The following SUCLG2 variants were observed in gnomAD, a reference collection of about 807,000 sequenced individuals.
The protein encoded by SUCLG2 is succinate--CoA ligase [GDP-forming] subunit beta, mitochondrial.
A neutral mutation model predicts 47.9 loss-of-function variants in SUCLG2; 42 were observed. That is an observed-to-expected ratio of 0.88 (90% confidence interval 0.69 to 1.14). The LOEUF (loss-of-function observed/expected upper bound fraction) is 1.14, where lower values mean the gene tolerates loss of function less well. Among genes scored for constraint, SUCLG2 ranks in the 50% most tolerant of loss-of-function variants. The pLI, the probability that SUCLG2 is intolerant of heterozygous loss-of-function variation, is 0.00. For synonymous variants in SUCLG2, 195 were observed against 197.3 expected (o/e 0.99, Z 0.10); for missense variants, 571 against 525.9 (o/e 1.09, Z -0.84).
intron 2 of SUCLG2, among the ~76,000 whole-genome samples, chr3:67,594,576 G>C (rs373801170): frequency 6.6e-6 from 1 of 152,074 alleles, no homozygotes; most frequent in Non-Finnish European, 1.5e-5. Context: ...GTGTATTTCT[G>C]TCACAGTATT....
chr3:67,624,346 G>GT (rs1389095083), intron 1 of SUCLG2, among the ~76,000 whole-genome samples: 1 of 152,162 alleles, frequency 6.6e-6, no homozygotes, highest in African/African-American at 2.4e-5. Context: ...ATGATAATTG[G>GT]TGTCTGTGAG....
intron 4 of SUCLG2, 141 bp downstream of exon 4, chr3:67,527,991 C>A (rs1575756575): frequency 1.5e-6 from 1 of 664,902 alleles, no homozygotes; most frequent in East Asian, 2.8e-5. Flanking sequence ...ACTTACTAAA[C>A]AGATTAGATG....
intron 1 of SUCLG2, among the ~76,000 whole-genome samples, chr3:67,616,442 T>G (rs1156269829): frequency 1.3e-5 from 2 of 152,166 alleles, no homozygotes; most frequent in South Asian, 2.1e-4. Context: ...GACAGATACA[T>G]GCATAAGTAA....
At chr3:67,544,141 G>A (rs916853626) in intron 2 of SUCLG2, among the ~76,000 whole-genome samples, 8 of 152,100 alleles carry the variant, frequency 5.3e-5, no homozygotes, top group African/African-American at 1.9e-4. Context: ...TTGACTGGAA[G>A]AAATAGACAC....
intron 10 of SUCLG2, among the ~76,000 whole-genome samples, chr3:67,391,608 G>A (rs1459769312): frequency 6.6e-6 from 1 of 152,182 alleles, no homozygotes; most frequent in Non-Finnish European, 1.5e-5. Context: ...GGCAGCCTCG[G>A]TAGATTGACT....
intron 2 of SUCLG2, among the ~76,000 whole-genome samples, chr3:67,579,147 T>C (rs891717414): frequency 6.6e-6 from 1 of 152,162 alleles, no homozygotes; most frequent in East Asian, 1.9e-4. Context: ...GAAAATAAAA[T>C]TATTTCACCC....
At position 67,400,748 on chromosome 3, in the gene SUCLG2, A is replaced by G. The variant is rs1353019014; in HGVS notation, c.1166T>C (p.Leu389Pro). 12 of 1,611,732 alleles carry G rather than the reference A, an allele frequency of 7.4e-6. No homozygotes were observed. Among genetic ancestry groups the G allele is most frequent in the Non-Finnish European group, 1.0e-5 (12 of 1,179,924 alleles). Residue 389 changes from leucine to proline, a missense_variant, in exon 10 of 11, where the codon CTG becomes CCG. Leu to Pro is a moderately conservative substitution (Grantham distance 98). Transcript: ENST00000307227. ...TGACTCACCTTCAAGCCGGACCACCAGGGGCACCTTGAGTTCTAGCTCCCG... is the reference window on the plus strand; with the variant it reads ...TGACTCACCTTCAAGCCGGACCACCGGGGGCACCTTGAGTTCTAGCTCCCG... ...ACRELELKVP[L>P]VVRLEGTNVQ...
chr3:67,632,385 G>A (rs1391199735), intron 1 of SUCLG2, among the ~76,000 whole-genome samples: 1 of 152,136 alleles, frequency 6.6e-6, no homozygotes, highest in Non-Finnish European at 1.5e-5. Flanking sequence ...GTTTCATCAT[G>A]TTGGCCAGAC....
intron 10 of SUCLG2, among the ~76,000 whole-genome samples, chr3:67,393,213 C>G (rs529657473): frequency 6.6e-6 from 1 of 152,092 alleles, no homozygotes; most frequent in Non-Finnish European, 1.5e-5. Flanking sequence ...CAAAGCAGGG[C>G]GAGGCATTGC....
chr3:67,430,104 T>C (rs1703435848), intron 9 of SUCLG2, among the ~76,000 whole-genome samples: 1 of 152,174 alleles, frequency 6.6e-6, no homozygotes, highest in Admixed American at 6.5e-5. Flanking sequence ...GTGGACCTAA[T>C]AGACATCTAC....
At chr3:67,482,578 T>G (rs1183526514) in intron 9 of SUCLG2, among the ~76,000 whole-genome samples, 1 of 152,200 alleles carries the variant, frequency 6.6e-6, no homozygotes, top group Non-Finnish European at 1.5e-5. Context: ...ATTTGGTCGT[T>G]CAGCTTAATG....
At chr3:67,394,125 C>T (rs1270920885) in intron 10 of SUCLG2, among the ~76,000 whole-genome samples, 1 of 152,132 alleles carries the variant, frequency 6.6e-6, no homozygotes, top group African/African-American at 2.4e-5. Flanking sequence ...CTCTCCTCCT[C>T]CAAAGGAATG....
intron 9 of SUCLG2, among the ~76,000 whole-genome samples, chr3:67,477,462 A>T (rs769498260): frequency 9.9e-5 from 15 of 152,244 alleles, no homozygotes; most frequent in Non-Finnish European, 1.9e-4. Flanking sequence ...TGGGAGGCCG[A>T]GGCAGGCAGA....
At chr3:67,585,813 A>T (rs1436663479) in intron 2 of SUCLG2, among the ~76,000 whole-genome samples, 1 of 151,844 alleles carries the variant, frequency 6.6e-6, no homozygotes, top group Non-Finnish European at 1.5e-5. Context: ...AAGTACAAAA[A>T]ATTAGCCGGG....
intron 7 of SUCLG2, among the ~76,000 whole-genome samples, chr3:67,501,003 G>C (rs1046649774): frequency 1.3e-5 from 2 of 152,094 alleles, no homozygotes; most frequent in East Asian, 3.9e-4. Flanking sequence ...GTTTTTCTGT[G>C]GTATGACGTT....
At chr3:67,436,415 TGGA>T (rs1212456107) in intron 9 of SUCLG2, among the ~76,000 whole-genome samples, 3 of 152,134 alleles carry the variant, frequency 2.0e-5, no homozygotes, top group Non-Finnish European at 4.4e-5. Flanking sequence ...AATAATAGAC[TGGA>T]GGAGGGAGGG....
chr3:67,567,303 T>A (rs1473291018), intron 2 of SUCLG2, among the ~76,000 whole-genome samples: 1 of 152,120 alleles, frequency 6.6e-6, no homozygotes, highest in Admixed American at 6.5e-5. Context: ...CAGGATTTTT[T>A]TTTTTTTTAA....
chr3:67,575,136 A>C (rs1707712337), intron 2 of SUCLG2, among the ~76,000 whole-genome samples: 1 of 152,220 alleles, frequency 6.6e-6, no homozygotes, highest in Non-Finnish European at 1.5e-5. Flanking sequence ...CTTTGGAAAA[A>C]GTTTGGCAGT....
intron 10 of SUCLG2, among the ~76,000 whole-genome samples, chr3:67,361,314 C>T (rs1299189452): frequency 6.6e-6 from 1 of 152,110 alleles, no homozygotes; most frequent in Non-Finnish European, 1.5e-5. Flanking sequence ...TTAGTTAATG[C>T]ATAGAGTATA....
Sources: allele counts gnomAD v4.1 joint callset (sites outside exome capture counted in the v4.1 genomes callset), GRCh38; gene constraint gnomAD v4.1.1; transcripts MANE v1.5; gene names NCBI Gene and HGNC (gene_info 2026-07-23, HGNC 2026-07-21).